Variants in PIBF1 observed in about 807,000 individuals in gnomAD.
The protein encoded by PIBF1 is progesterone immunomodulatory binding factor 1.
PIBF1 carries 90 observed loss-of-function variants against 112.5 expected under a neutral mutation model. That is an observed-to-expected ratio of 0.80 (90% CI 0.67 to 0.95). The LOEUF is 0.95. Ranked by LOEUF, PIBF1 falls within the 40% of genes least tolerant of loss-of-function variation. PIBF1 has a pLI of 0.00. For missense variants in PIBF1, 915 were observed against 852.3 expected, an observed-to-expected ratio of 1.07 and a Z score of -0.92; for synonymous variants, 301 against 288.6, an observed-to-expected ratio of 1.04 and a Z score of -0.44.
At chr13:72,790,510 C>CAGATAG (rs2034859026) in intron 2 of PIBF1, among the ~76,000 whole-genome samples, 1 of 140,044 alleles carries the variant, frequency 7.1e-6, no homozygotes, top group Non-Finnish European at 1.5e-5. Flanking sequence ...CACACACACA[C>CAGATAG]ATAGATAGAT....
At chr13:72,792,155 G>T (rs1055935956) in intron 2 of PIBF1, among the ~76,000 whole-genome samples, 17 of 151,900 alleles carry the variant, frequency 1.1e-4, no homozygotes, top group Non-Finnish European at 7.4e-5. Flanking sequence ...AATTAACCGG[G>T]TGTGGTGGCA....
chr13:73,014,487 G>A (rs1016339626), intron 17 of PIBF1, among the ~76,000 whole-genome samples: 3 of 152,130 alleles, frequency 2.0e-5, no homozygotes, highest in Admixed American at 2.0e-4. Flanking sequence ...CTATAATGGT[G>A]GATGCCTGTC....
intron 13 of PIBF1, among the ~76,000 whole-genome samples, chr13:72,927,992 C>CATATAT (rs1566458232): frequency 2.0e-5 from 1 of 50,754 alleles, no homozygotes; most frequent in Non-Finnish European, 3.8e-5. Flanking sequence ...TATATATACA[C>CATATAT]ACACATATAT....
intron 9 of PIBF1, among the ~76,000 whole-genome samples, chr13:72,840,829 A>T (rs1461384661): frequency 1.3e-5 from 2 of 152,162 alleles, no homozygotes; most frequent in Non-Finnish European, 2.9e-5. Context: ...CCCGGCCCCA[A>T]TAAACATTTT....
chr13:72,844,294 A>G (rs1347862714), intron 9 of PIBF1, among the ~76,000 whole-genome samples: 1 of 152,220 alleles, frequency 6.6e-6, no homozygotes, highest in East Asian at 1.9e-4. Flanking sequence ...AAGATTTCCT[A>G]TCAAAACTAC....
At chr13:72,804,858 G>A (rs1292810452) in intron 5 of PIBF1, among the ~76,000 whole-genome samples, 1 of 152,068 alleles carries the variant, frequency 6.6e-6, no homozygotes, top group Non-Finnish European at 1.5e-5. Context: ...TCCTAAATTT[G>A]ACAAATAAAA....
chr13:72,998,720 T>G (rs1349325119), intron 16 of PIBF1, 102 bp from the exon 17 acceptor site: 3 of 728,972 alleles, frequency 4.1e-6, no homozygotes, highest in Non-Finnish European at 6.9e-6. Flanking sequence ...ATGTGTGTAG[T>G]ATAATTGTTT....
intron 10 of PIBF1, among the ~76,000 whole-genome samples, chr13:72,875,175 C>G (rs1350208414): frequency 6.6e-6 from 1 of 152,108 alleles, no homozygotes; most frequent in Non-Finnish European, 1.5e-5. Context: ...TCTTTTCATA[C>G]TGTCTTTTTT....
chr13:72,818,678 C>CTTTTTTTTTTTTTTTT (rs3077726), intron 5 of PIBF1, among the ~76,000 whole-genome samples: 1 of 80,372 alleles, frequency 1.2e-5, no homozygotes. Flanking sequence ...CAGTCTTAAA[C>CTTTTTTTTTTTTTTTT]TTTTTTTTTT....
At chr13:72,885,054 A>G (rs577977912) in intron 10 of PIBF1, among the ~76,000 whole-genome samples, 2 of 152,242 alleles carry the variant, frequency 1.3e-5, no homozygotes, top group South Asian at 4.2e-4. Flanking sequence ...AAAATTTGTA[A>G]TAATTTTAAC....
At chr13:72,926,713 TA>T (rs746897943) in intron 13 of PIBF1, among the ~76,000 whole-genome samples, 3 of 152,246 alleles carry the variant, frequency 2.0e-5, no homozygotes, top group Non-Finnish European at 2.9e-5. Context: ...GAATTTTCCC[TA>T]GCACTTCATC....
At chr13:72,893,109 T>A (rs2040124539) in intron 10 of PIBF1, among the ~76,000 whole-genome samples, 1 of 152,212 alleles carries the variant, frequency 6.6e-6, no homozygotes, top group African/African-American at 2.4e-5. Context: ...ATGTGTATTT[T>A]GCTTTTCTGT....
At chr13:72,897,461 A>C (rs1175027623) in intron 11 of PIBF1, among the ~76,000 whole-genome samples, 1 of 152,228 alleles carries the variant, frequency 6.6e-6, no homozygotes, top group Non-Finnish European at 1.5e-5. Flanking sequence ...ATGGTACCTC[A>C]CATTTCAGTA....
chr13:72,818,652 C>A (rs1022521285), intron 5 of PIBF1, among the ~76,000 whole-genome samples: 2 of 146,652 alleles, frequency 1.4e-5, no homozygotes, highest in Admixed American at 6.9e-5. Context: ...ATTTTCTTCC[C>A]TTGCCACCAT....
At chr13:72,967,921 C>A (rs923779402) in intron 15 of PIBF1, among the ~76,000 whole-genome samples, 1 of 152,120 alleles carries the variant, frequency 6.6e-6, no homozygotes, top group African/African-American at 2.4e-5. Flanking sequence ...CACGGTAGCT[C>A]AAGTCTGTAA....
At chr13:72,809,112 C>T (rs991318652) in intron 5 of PIBF1, among the ~76,000 whole-genome samples, 5 of 129,954 alleles carry the variant, frequency 3.8e-5, no homozygotes, top group African/African-American at 1.5e-4. Context: ...TTTTTCACCA[C>T]TTGGGGGCAG....
chr13:72,956,740 C>T (rs1456315100), intron 14 of PIBF1, among the ~76,000 whole-genome samples: 1 of 152,186 alleles, frequency 6.6e-6, no homozygotes, highest in Non-Finnish European at 1.5e-5. Flanking sequence ...TCTGTTCTTA[C>T]ACCTCAGGAG....
rs1252720022 is a variant in PIBF1, at chr13:73,015,911, A to G, written c.2266A>G (p.Lys756Glu). Reference sequence around the variant, plus strand: ...TGAGTGGTCTAAGAAACAAAAGATGAAGACCTAGTGTTTTGGATGGGAAGC... The same window carrying G: ...TGAGTGGTCTAAGAAACAAAAGATGGAGACCTAGTGTTTTGGATGGGAAGC... ...APEWSKKQKMKT is the reference protein window; with the variant it reads ...APEWSKKQKMET Residue 756 changes from lysine to glutamate, a missense_variant, in exon 18 of 18, where the codon AAG becomes GAG. By Grantham distance (56) the Lys-to-Glu change is moderately conservative (BLOSUM62 1). Transcript: ENST00000326291. The G allele has an allele frequency of 6.9e-6, 11 of 1,588,086 alleles. No homozygotes were observed. The Middle Eastern group carries it at 1.8e-3, about 267-fold the overall frequency.
At chr13:72,836,022 C>T (rs1416038446) in intron 9 of PIBF1, 9 of 403,086 alleles carry the variant, frequency 2.2e-5, no homozygotes, top group South Asian at 5.6e-5. Flanking sequence ...TGGCATGAAC[C>T]GGGGACACAG....
Sources: gnomAD v4.1 joint callset for allele counts (sites outside exome capture counted in the v4.1 genomes callset) on GRCh38, gnomAD v4.1.1 for gene constraint, MANE v1.5 for transcripts, NCBI Gene and HGNC (gene_info 2026-07-23, HGNC 2026-07-21) for gene names.